VIRMA: variants seen among roughly 807,000 people sequenced by gnomAD.
VIRMA encodes the protein protein virilizer homolog.
VIRMA carries 65 observed loss-of-function variants against 182.4 expected under a neutral mutation model. The observed-to-expected ratio is 0.36, with a 90% CI of 0.29 to 0.44. The LOEUF is 0.44. Among genes scored for constraint, VIRMA ranks in the 20% least tolerant of loss-of-function variants. The pLI is 1.00. For synonymous variants in VIRMA, 709 were observed against 743.1 expected (o/e 0.95, Z 0.75); for missense variants, 1,752 against 2,158.1 (o/e 0.81, Z 3.73).
rs747853451 is a variant in VIRMA, at chr8:94,509,633, C to T, written c.3879+55G>A. 1 of 1,024,366 alleles carries T rather than the reference C, an allele frequency of 9.8e-7. No homozygotes were observed. The highest frequency in any genetic ancestry group is 1.3e-6 in the Non-Finnish European group (1 of 751,308). The allele number at this position is 1,024,366 out of a possible 1,614,324, so 63.5% of individuals were successfully genotyped here. On this transcript the variant is annotated intron_variant, in intron 15 of 23. Transcript: ENST00000297591. ...ACATCAAGATGCTTAAATACACACACACACACACACACATACACATGCAGA... is the reference window on the plus strand; with the variant it reads ...ACATCAAGATGCTTAAATACACACATACACACACACACATACACATGCAGA...
chr8:94,521,397 T>G (rs979356866), intron 8 of VIRMA, among the ~76,000 whole-genome samples: 3 of 152,182 alleles, frequency 2.0e-5, no homozygotes, highest in African/African-American at 7.2e-5. Context: ...ATTCCTCAAC[T>G]TTTTAAAAAT....
At chr8:94,517,757 C>T (rs1447472592) in intron 10 of VIRMA, 31 bp downstream of exon 10, 1 of 1,507,620 alleles carries the variant, frequency 6.6e-7, no homozygotes, top group Non-Finnish European at 9.0e-7. Context: ...TCACATATTA[C>T]AAATGCTTAA....
At chr8:94,540,946 C>T (rs1243889554) in intron 2 of VIRMA, among the ~76,000 whole-genome samples, 1 of 151,940 alleles carries the variant, frequency 6.6e-6, no homozygotes, top group African/African-American at 2.4e-5. Context: ...AACTCGGTGA[C>T]TCTAAAAAAC....
At chr8:94,545,210 G>A (rs1372629339) in intron 1 of VIRMA, among the ~76,000 whole-genome samples, 1 of 152,118 alleles carries the variant, frequency 6.6e-6, no homozygotes, top group East Asian at 1.9e-4. Context: ...ATTTGACACA[G>A]GATTAGGCAA....
chr8:94,518,861 T>C (rs1586087228), intron 9 of VIRMA, 124 bp downstream of exon 9: 2 of 895,860 alleles, frequency 2.2e-6, no homozygotes, highest in East Asian at 4.9e-5. Context: ...ATTAACAAGT[T>C]TTGTGTTATA....
intron 9 of VIRMA, among the ~76,000 whole-genome samples, chr8:94,518,422 C>G (rs1814635320): frequency 6.6e-6 from 1 of 152,198 alleles, no homozygotes; most frequent in African/African-American, 2.4e-5. Context: ...ATCTGTCACT[C>G]AAGGAGTTAT....
Position 94,530,950 on chromosome 8 carries a change from G to C in VIRMA, c.607+13C>G. 3 of 1,597,960 alleles carry C rather than the reference G, an allele frequency of 1.9e-6. No individual in the cohort carries two copies. Among genetic ancestry groups the C allele is most frequent in the Non-Finnish European group, 8.5e-7 (1 of 1,174,104 alleles). On this transcript the variant is annotated intron_variant, in intron 6 of 23. Coordinates refer to ENST00000297591, the MANE Select transcript of VIRMA (RefSeq NM_015496.5). ...ACTAGGGGGGAAAACCTTAGCACTG[G>C]TTTTATTTATACCTGGCAGAGGCAC...
chr8:94,526,773 A>C lies in VIRMA; in HGVS notation c.1471T>G (p.Phe491Val), dbSNP rs2130349225. Residue 491 changes from phenylalanine to valine, a missense_variant, in exon 8 of 24, where the codon TTT becomes GTT. Physicochemically the swap from Phe to Val is conservative, Grantham distance 50. This residue lies in a region of VIRMA where 401 missense variants were observed against 455.1 expected (regional missense o/e 0.88). Coordinates refer to ENST00000297591, the MANE Select transcript of VIRMA (RefSeq NM_015496.5). ...AGAGAAGATGATACGTGATCAGCAA[A>C]CAGAAGTTCAAATAATCCACTGATC... is the stretch of plus-strand genomic sequence containing the variant. ...GVISGLFELL[F>V]ADHVSSSLKL... 3 of 1,614,104 alleles carry C rather than the reference A, an allele frequency of 1.9e-6. No individual in the cohort carries two copies. The highest frequency in any genetic ancestry group is 2.2e-5 in the East Asian group (1 of 44,890).
At chr8:94,540,172 G>A (rs1815488188) in intron 2 of VIRMA, among the ~76,000 whole-genome samples, 1 of 151,902 alleles carries the variant, frequency 6.6e-6, no homozygotes, top group South Asian at 2.1e-4. Context: ...ACTATTACTT[G>A]TAATTTGAAA....
chr8:94,519,598 T>G, intron 8 of VIRMA, 122 bp from the exon 9 acceptor site: 4 of 936,372 alleles, frequency 4.3e-6, no homozygotes, highest in Non-Finnish European at 6.1e-6. Context: ...AGTAATATAC[T>G]GCTTTAACTG....
At chr8:94,521,084 G>C (rs754162894) in intron 8 of VIRMA, among the ~76,000 whole-genome samples, 3 of 151,440 alleles carry the variant, frequency 2.0e-5, no homozygotes, top group Non-Finnish European at 4.4e-5. Context: ...TACATGTGCA[G>C]AATGTGCAGG....
At chr8:94,541,345 C>T (rs1815547212) in intron 2 of VIRMA, among the ~76,000 whole-genome samples, 1 of 152,082 alleles carries the variant, frequency 6.6e-6, no homozygotes, top group Admixed American at 6.5e-5. Context: ...AGTGATCCTC[C>T]TGCCTCGGCC....
chr8:94,524,960 G>A (rs953854700), intron 8 of VIRMA, among the ~76,000 whole-genome samples: 2 of 151,972 alleles, frequency 1.3e-5, no homozygotes, highest in Non-Finnish European at 2.9e-5. Context: ...TAAGTATCCT[G>A]CCTAAATGCA....
At chr8:94,492,523 C>T (rs899803504) in intron 21 of VIRMA, 129 bp downstream of exon 21, 10 of 617,794 alleles carry the variant, frequency 1.6e-5, no homozygotes, top group African/African-American at 7.5e-5. Context: ...CTCCTGACCT[C>T]GGCCTCCCAA....
In VIRMA at chr8:94,511,507, C is replaced by A. The variant is rs1372656744; in HGVS notation, c.3068G>T (p.Gly1023Val). The A allele has an allele frequency of 1.2e-6, 2 of 1,614,130 alleles. No individual in the cohort carries two copies. Among genetic ancestry groups the A allele is most frequent in the East Asian group, 2.2e-5 (1 of 44,876 alleles). Reference sequence around the variant, plus strand: ...CATGTCCTTAAACTCAAAGGATCCACCTCTCAGGAGTTCCGTTAACATAGT... The same window carrying A: ...CATGTCCTTAAACTCAAAGGATCCAACTCTCAGGAGTTCCGTTAACATAGT... ...LKTMLTELLR[G>V]GSFEFKDMRV... Residue 1023 changes from glycine (G) to valine (V), a missense_variant, in exon 13 of 24, where the codon GGT becomes GTT. Around this residue, in one of 11 missense-constraint regions of VIRMA, gnomAD observed 777 missense variants for 920.6 expected, o/e 0.84. Transcript: ENST00000297591.
At chr8:94,513,143 G>A (rs758660615) in intron 11 of VIRMA, among the ~76,000 whole-genome samples, 4 of 152,114 alleles carry the variant, frequency 2.6e-5, no homozygotes, top group Non-Finnish European at 5.9e-5. Flanking sequence ...TTTGAAAACA[G>A]CCTGGCCAAC....
At chr8:94,526,086 A>C in intron 8 of VIRMA, 137 bp downstream of exon 8, 1 of 675,064 alleles carries the variant, frequency 1.5e-6, no homozygotes, top group Non-Finnish European at 2.5e-6. Context: ...TTCCACTACT[A>C]AATAACCGTT....
At chr8:94,511,100 GTT>G in intron 13 of VIRMA, 83 bp downstream of exon 13, 1 of 1,520,044 alleles carries the variant, frequency 6.6e-7, no homozygotes, top group South Asian at 1.3e-5. Context: ...GGAGATGAGG[GTT>G]TTTGTTTTTT....
Position 94,519,173 on chromosome 8 carries a change from G to C in VIRMA, c.2325C>G (p.Phe775Leu). ...TGGCTGTACAACGCTGAAAATGGCTGAACAGTTCTGTAATACATTGCAATG... is the reference window on the plus strand; with the variant it reads ...TGGCTGTACAACGCTGAAAATGGCTCAACAGTTCTGTAATACATTGCAATG... ...TQTLQCITEL[F>L]SHFQRCTASE... Residue 775 changes from phenylalanine (F) to leucine (L), a missense_variant, in exon 9 of 24, where the codon TTC becomes TTG. Physicochemically the swap from Phe to Leu is conservative, Grantham distance 22. Transcript: ENST00000297591. 1 of 1,614,106 alleles carries C rather than the reference G, an allele frequency of 6.2e-7. No individual in the cohort carries two copies.
Sources: gnomAD v4.1 joint callset for allele counts (sites outside exome capture counted in the v4.1 genomes callset) on GRCh38, gnomAD v4.1.1 for gene constraint, gnomAD v4.1.1 regional missense constraint, MANE v1.5 for transcripts, NCBI Gene and HGNC (gene_info 2026-07-23, HGNC 2026-07-21) for gene names.